Variants in MED13 observed in about 807,000 individuals in gnomAD.
MED13 encodes the protein mediator complex subunit 13, also known as mediator of RNA polymerase II transcription subunit 13.
Under a neutral mutation model 225.2 loss-of-function variants are expected in MED13, and 23 were observed. That is an observed-to-expected ratio of 0.10 (90% CI 0.07 to 0.14). The LOEUF (loss-of-function observed/expected upper bound fraction) is 0.14. Among genes scored for constraint, MED13 ranks in the 10% least tolerant of loss-of-function variants. The pLI is 1.00. For missense variants in MED13, 2,197 were observed against 2,594.5 expected, an observed-to-expected ratio of 0.85 and a Z score of 3.33; for synonymous variants, 942 against 889.2, an observed-to-expected ratio of 1.06 and a Z score of -1.06.
chr17:61,970,679 CAAA>C (rs10600340), intron 17 of MED13, among the ~76,000 whole-genome samples: 130 of 46,908 alleles, frequency 2.8e-3, no homozygotes, highest in Non-Finnish European at 3.6e-3. Flanking sequence ...GAGACTGTCT[CAAA>C]AAAAAAAAAA....
intron 28 of MED13, among the ~76,000 whole-genome samples, chr17:61,947,770 G>A (rs945578010): frequency 1.3e-5 from 2 of 152,098 alleles, no homozygotes; most frequent in African/African-American, 4.8e-5. Flanking sequence ...TGAATAGTGG[G>A]AGAAAGGAAT....
chr17:62,051,942 G>T (rs1236608493), intron 3 of MED13, among the ~76,000 whole-genome samples: 6 of 152,160 alleles, frequency 3.9e-5, no homozygotes, highest in Admixed American at 6.5e-5. Context: ...TTGCATAGGA[G>T]AAGGAGGTAT....
chr17:61,984,124 A>T, intron 15 of MED13, 47 bp downstream of exon 15: 2 of 1,285,408 alleles, frequency 1.6e-6, no homozygotes, highest in Non-Finnish European at 2.0e-6. Context: ...AAAAAAAATT[A>T]AAGCTGTATA....
chr17:61,976,638 T>C (rs937736793), intron 16 of MED13, among the ~76,000 whole-genome samples: 1 of 152,160 alleles, frequency 6.6e-6, no homozygotes, highest in Non-Finnish European at 1.5e-5. Flanking sequence ...GTCATTAAAA[T>C]ATACAAACTA....
chr17:62,048,960 G>T (rs1364948010), intron 3 of MED13, among the ~76,000 whole-genome samples: 1 of 151,722 alleles, frequency 6.6e-6, no homozygotes, highest in Non-Finnish European at 1.5e-5. Context: ...AAACTTAAGA[G>T]CCTGCAATTC....
At chr17:61,983,362 T>A (rs1274534577) in intron 15 of MED13, among the ~76,000 whole-genome samples, 1 of 152,182 alleles carries the variant, frequency 6.6e-6, no homozygotes, top group Non-Finnish European at 1.5e-5. Flanking sequence ...TATACACTAA[T>A]GCATACCTAG....
At position 61,965,453 on chromosome 17, in the gene MED13, G is replaced by C. The variant is rs370372637; in HGVS notation, c.4397C>G (p.Ser1466Cys). ...CRYDLGPYLA[S>C]LPLDSSLLSQ... ...AAGTAGAGAGCTGTCCAATGGCAGG[G>C]AAGCAAGATAAGGACCTAAAGAATA... The change falls in exon 20 of 30, where the codon TCC becomes TGC. Residue 1466 changes from serine (S) to cysteine (C), a missense_variant. Ser to Cys is a moderately radical substitution (Grantham distance 112, BLOSUM62 -1). Transcript: ENST00000397786. The C allele has an allele frequency of 2.0e-5, 33 of 1,613,190 alleles. No homozygotes were observed. Among genetic ancestry groups the C allele is most frequent in the Non-Finnish European group, 2.6e-5 (31 of 1,179,440 alleles).
chr17:61,991,205 G>A (rs768068804), intron 11 of MED13, among the ~76,000 whole-genome samples: 4 of 152,026 alleles, frequency 2.6e-5, no homozygotes, highest in Non-Finnish European at 5.9e-5. Flanking sequence ...TGCAATCTCT[G>A]CCTCTTGGGT....
chr17:62,015,911 T>TACACAC (rs1181563177), intron 8 of MED13, among the ~76,000 whole-genome samples: 6 of 33,802 alleles, frequency 1.8e-4, no homozygotes, highest in African/African-American at 7.3e-4. Context: ...ATACACACTA[T>TACACAC]ACACATATAT....
intron 3 of MED13, among the ~76,000 whole-genome samples, chr17:62,040,922 C>A (rs1482442062): frequency 2.6e-5 from 4 of 152,118 alleles, no homozygotes; most frequent in Admixed American, 2.0e-4. Flanking sequence ...CACTCCTCTG[C>A]ATTGCCTTTG....
Position 61,946,521 on chromosome 17 carries a change from T to C in MED13, c.6472A>G (p.Ile2158Val), listed in dbSNP as rs1347268332. ...ATQDRRSCLP[I>V]HFVVLNQLYN... The stretch of plus-strand genomic sequence containing the variant: ...AACTGATTCAGCACCACAAAATGAA[T>C]TGGGAGACATGAGCGTCTGTCCTGG... The change falls in exon 30 of 30, where the codon ATT becomes GTT. Residue 2158 changes from isoleucine to valine, a missense_variant. Physicochemically the swap from Ile to Val is conservative, Grantham distance 29 (BLOSUM62 3). Around this residue, in one of 12 missense-constraint regions of MED13, gnomAD observed 216 missense variants for 388.9 expected, o/e 0.56. Coordinates refer to ENST00000397786, the MANE Select transcript of MED13 (RefSeq NM_005121.3). 1.4e-5 allele frequency: 22 copies of C among 1,613,736 alleles called. No homozygotes were observed. The highest frequency in any genetic ancestry group is 1.6e-4 in the Middle Eastern group (1 of 6,084).
At chr17:61,973,562 G>T (rs2080127489) in intron 16 of MED13, among the ~76,000 whole-genome samples, 1 of 152,182 alleles carries the variant, frequency 6.6e-6, no homozygotes, top group Non-Finnish European at 1.5e-5. Context: ...TATAATAAAT[G>T]TGGCCCCCAG....
intron 26 of MED13, among the ~76,000 whole-genome samples, chr17:61,953,324 C>CA (rs2143298256): frequency 6.6e-6 from 1 of 152,304 alleles, no homozygotes; most frequent in South Asian, 2.1e-4. Flanking sequence ...AATGGCCCCC[C>CA]AAAGATGTCC....
chr17:61,956,505 T>A, intron 23 of MED13, 24 bp from the exon 24 acceptor site: 1 of 1,575,872 alleles, frequency 6.3e-7, no homozygotes, highest in Non-Finnish European at 8.6e-7. Flanking sequence ...AAAGAGAGTG[T>A]CATAAATATT....
chr17:61,975,636 T>C (rs2080148531), intron 16 of MED13, among the ~76,000 whole-genome samples: 1 of 152,270 alleles, frequency 6.6e-6, no homozygotes, highest in African/African-American at 2.4e-5. Flanking sequence ...CAAGAATCAC[T>C]TGAACCTGGG....
At chr17:62,015,188 A>G (rs996796607) in intron 8 of MED13, among the ~76,000 whole-genome samples, 1 of 152,218 alleles carries the variant, frequency 6.6e-6, no homozygotes, top group African/African-American at 2.4e-5. Flanking sequence ...GAAAATCTGG[A>G]CAAGGTATCA....
intron 9 of MED13, chr17:62,007,499 T>C (rs928378486): frequency 1.3e-5 from 2 of 152,146 alleles, no homozygotes; most frequent in African/African-American, 2.4e-5. Context: ...TTTTAGGAGA[T>C]GGTATTACCT....
At chr17:62,001,014 G>A (rs982317439) in intron 9 of MED13, among the ~76,000 whole-genome samples, 41 of 151,886 alleles carry the variant, frequency 2.7e-4, no homozygotes, top group Non-Finnish European at 4.9e-4. Context: ...CACCCACCTC[G>A]GCCTCCCAAA....
rs1426397472 is a variant in MED13, at chr17:62,030,153, G to A, written c.1010-140C>T. On this transcript the variant is annotated intron_variant, in intron 6 of 29. Coordinates refer to ENST00000397786, the MANE Select transcript of MED13 (RefSeq NM_005121.3). ...ATTTATATTTTGAGATAAAAAGCAT[G>A]CTACTTTTTGGAACCAGATCTCATT... 6 of 854,718 alleles carry A rather than the reference G, an allele frequency of 7.0e-6. No individual in the cohort carries two copies. In the East Asian group the frequency reaches 1.2e-4, roughly 17 times the overall value. 52.9% of individuals were successfully genotyped at this position (854,718 alleles called of 1,614,324 possible). A position where few individuals can be genotyped will look rare whatever the true frequency, so the allele number is the denominator to read the frequency against.
Sources: gnomAD v4.1 joint callset for allele counts (sites outside exome capture counted in the v4.1 genomes callset) on GRCh38, gnomAD v4.1.1 for gene constraint, gnomAD v4.1.1 regional missense constraint, MANE v1.5 for transcripts, NCBI Gene and HGNC (gene_info 2026-07-23, HGNC 2026-07-21) for gene names.